Variants in DYRK1B observed in about 807,000 individuals in gnomAD.
DYRK1B encodes the protein dual specificity tyrosine-phosphorylation-regulated kinase 1B.
Under a neutral mutation model 57.1 loss-of-function variants are expected in DYRK1B, and 20 were observed. The ratio of observed to expected loss-of-function variants is 0.35; its 90% CI spans 0.25 to 0.51. DYRK1B has a LOEUF of 0.51. DYRK1B is among the 20% of genes least tolerant of loss of function. DYRK1B has a pLI of 0.96. For missense variants in DYRK1B, 732 were observed against 886.3 expected, an observed-to-expected ratio of 0.83 and a Z score of 2.21; for synonymous variants, 409 against 384.7, an observed-to-expected ratio of 1.06 and a Z score of -0.74.
At chr19:39,831,376 T>C (rs1223235507) in intron 2 of DYRK1B, among the ~76,000 whole-genome samples, 1 of 152,020 alleles carries the variant, frequency 6.6e-6, no homozygotes, top group African/African-American at 2.4e-5. Flanking sequence ...CCCTTTAGAC[T>C]CAACCCCCCT....
At chr19:39,829,167 GTTTT>G (rs34974924) in intron 5 of DYRK1B, among the ~76,000 whole-genome samples, 92 of 149,138 alleles carry the variant, frequency 6.2e-4, no homozygotes, top group African/African-American at 2.3e-3. Context: ...TCCTTTCTTC[GTTTT>G]TTTTTGTTGT....
Position 39,826,326 on chromosome 19 carries a change from G to T in DYRK1B, c.1412-40C>A. ...GAGGAGAGGTGAAGGGGCATAAGGTGAGAGAAGGTGGCGAGTGGGTTTTGG... is the reference window on the plus strand; with the variant it reads ...GAGGAGAGGTGAAGGGGCATAAGGTTAGAGAAGGTGGCGAGTGGGTTTTGG... On this transcript the variant is annotated intron_variant, in intron 9 of 10. Coordinates refer to ENST00000323039, the MANE Select transcript of DYRK1B (RefSeq NM_004714.3). This position sits in a 1 kb window ranked among gnomAD's most constrained non-coding sequence, Gnocchi z 6.3. 6.7e-7 allele frequency: 1 copy of T among 1,485,072 alleles called. No homozygotes were observed. The highest frequency in any genetic ancestry group is 1.3e-5 in the South Asian group (1 of 74,726). The allele number at this position is 1,485,072 out of a possible 1,614,324, so 92.0% of individuals were successfully genotyped here.
rs1968817849 is a variant in DYRK1B at position 39,831,696 on chromosome 19, G to A, written c.63+109C>T. 6.6e-6 allele frequency: 9 copies of A among 1,355,550 alleles called. No individual in the cohort carries two copies. The African/African-American group carries it at 7.3e-5, about 11-fold the overall frequency. 84.0% of individuals were successfully genotyped at this position (1,355,550 alleles called of 1,614,324 possible). On this transcript the variant is annotated intron_variant, in intron 2 of 10. Coordinates refer to ENST00000323039, the MANE Select transcript of DYRK1B (RefSeq NM_004714.3). Reference sequence around the variant, plus strand: ...TTTCCAATCCCATGGGACCCATTATGTGCCCAGAAGAATGTCTTGGGCAAC... The same window carrying A: ...TTTCCAATCCCATGGGACCCATTATATGCCCAGAAGAATGTCTTGGGCAAC...
chr19:39,833,581 C>G (rs960414595), intron 1 of DYRK1B: 1 of 154,776 alleles, frequency 6.5e-6, no homozygotes, highest in African/African-American at 2.4e-5. Flanking sequence ...CCCCTAGGGA[C>G]CCGGCGTCCC....
intron 7 of DYRK1B, 35 bp from the exon 8 acceptor site, chr19:39,827,460 G>C (rs1036878712): frequency 6.2e-7 from 1 of 1,609,492 alleles, no homozygotes; most frequent in Non-Finnish European, 8.5e-7. Context: ...CATCAGGCCA[G>C]CCAGGCTCCA....
In DYRK1B at chr19:39,828,405, G is replaced by A; in HGVS notation, c.699C>T (p.Leu233=). 1 of 1,614,080 alleles carries A rather than the reference G, an allele frequency of 6.2e-7. No homozygotes were observed. Residue 233 remains leucine (L), a synonymous_variant, in exon 6 of 11, where the codon CTC becomes CTT. Transcript: ENST00000323039. The surrounding 1 kb of genome is among the most constrained non-coding windows in gnomAD (Gnocchi z 4.3). The stretch of plus-strand genomic sequence containing the variant: ...GCTTGAGGTCGCAGTGAATGATGCT[G>A]AGCTCAGGCGTGGCCAGAAAGAGCA... ...TALLFLATPE[L]SIIHCDLKPE...
chr19:39,827,358 G>A lies in DYRK1B; in HGVS notation c.1022C>T (p.Pro341Leu). Reference sequence around the variant, plus strand: ...CCGTTCAAAGTACTTGCGAGCCTTGGGCGCCTGGTCCAGCATGGCGGCCGG... The same window carrying A: ...CCGTTCAAAGTACTTGCGAGCCTTGAGCGCCTGGTCCAGCATGGCGGCCGG... ...IPPAAMLDQA[P>L]KARKYFERLP... is the part of the protein sequence containing the mutation. Residue 341 changes from proline to leucine, a missense_variant, in exon 8 of 11, where the codon CCC becomes CTC. Physicochemically the swap from Pro to Leu is moderately conservative, Grantham distance 98 (BLOSUM62 -3). Transcript: ENST00000323039. The A allele has an allele frequency of 6.2e-7, 1 of 1,613,824 alleles. No homozygotes were observed. Among genetic ancestry groups the A allele is most frequent in the African/African-American group, 1.3e-5 (1 of 75,004 alleles).
chr19:39,829,882 A>G lies in DYRK1B; in HGVS notation c.518T>C (p.Ile173Thr). 3.7e-6 allele frequency: 6 copies of G among 1,613,302 alleles called. No homozygotes were observed. The highest frequency in any genetic ancestry group is 5.1e-6 in the Non-Finnish European group (6 of 1,179,978). The change falls in exon 5 of 11, where the codon ATA becomes ACA. Residue 173 changes from isoleucine to threonine, a missense_variant and splice_region_variant. Transcript: ENST00000323039. Reference sequence around the variant, plus strand: ...GCCCTGCCAGTCCCAGGCCTCACCTATATAGTACTTCATCTCCGTGTCATG... The same window carrying G: ...GCCCTGCCAGTCCCAGGCCTCACCTGTATAGTACTTCATCTCCGTGTCATG... ...NQHDTEMKYY[I>T]VHLKRHFMFR...
chr19:39,826,433 G>A lies in DYRK1B; in HGVS notation c.1412-147C>T, dbSNP rs893994278. ...CATCTGAAGCACCGGGCCCAATTCTGAGATTCTGGGTTGGAATTCAGTTTT... is the reference window on the plus strand; with the variant it reads ...CATCTGAAGCACCGGGCCCAATTCTAAGATTCTGGGTTGGAATTCAGTTTT... On this transcript the variant is annotated intron_variant, in intron 9 of 10. Coordinates refer to ENST00000323039, the MANE Select transcript of DYRK1B (RefSeq NM_004714.3). This position sits in a 1 kb window ranked among gnomAD's most constrained non-coding sequence, Gnocchi z 6.3. The A allele has an allele frequency of 2.9e-5, 25 of 854,134 alleles. No individual in the cohort carries two copies. Among genetic ancestry groups the A allele is most frequent in the Non-Finnish European group, 4.0e-5 (23 of 581,688 alleles). 52.9% of individuals were successfully genotyped at this position (854,134 alleles called of 1,614,324 possible). A position where few individuals can be genotyped will look rare whatever the true frequency, so the allele number is the denominator to read the frequency against.
intron 4 of DYRK1B, 95 bp from the exon 5 acceptor site, chr19:39,830,122 C>T: frequency 6.7e-7 from 1 of 1,490,842 alleles, no homozygotes; most frequent in East Asian, 2.3e-5. Flanking sequence ...CCACCAAGAA[C>T]ACTATGCATA....
In DYRK1B at chr19:39,826,592, C is replaced by T; in HGVS notation, c.1411+80G>A. On this transcript the variant is annotated intron_variant, in intron 9 of 10. Transcript: ENST00000323039. The surrounding 1 kb of genome is among the most constrained non-coding windows in gnomAD (Gnocchi z 6.3). ...AGTTTCGGCGCTTTGTGTGAAGACCCAGTAACCAGGTCCCCCAGGACAGGC... is the reference window on the plus strand; with the variant it reads ...AGTTTCGGCGCTTTGTGTGAAGACCTAGTAACCAGGTCCCCCAGGACAGGC... 7.1e-7 allele frequency: 1 copy of T among 1,408,506 alleles called. No individual in the cohort carries two copies. The allele number at this position is 1,408,506 out of a possible 1,614,324, so 87.3% of individuals were successfully genotyped here.
Position 39,828,378 on chromosome 19 carries a change from G to A in DYRK1B, c.726C>T (p.Pro242=), listed in dbSNP as rs776640518. Reference sequence around the variant, plus strand: ...TGGGGTTGCACAGCAAGATGTTTTCGGGCTTGAGGTCGCAGTGAATGATGC... The same window carrying A: ...TGGGGTTGCACAGCAAGATGTTTTCAGGCTTGAGGTCGCAGTGAATGATGC... ...ELSIIHCDLK[P]ENILLCNPKR... Residue 242 remains proline (P), a synonymous_variant, in exon 6 of 11, where the codon CCC becomes CCT. Coordinates refer to ENST00000323039, the MANE Select transcript of DYRK1B (RefSeq NM_004714.3). This position sits in a 1 kb window ranked among gnomAD's most constrained non-coding sequence, Gnocchi z 4.3. 1.5e-5 allele frequency: 24 copies of A among 1,614,116 alleles called. No individual in the cohort carries two copies. Among genetic ancestry groups the A allele is most frequent in the Admixed American group, 6.7e-5 (4 of 60,028 alleles).
At chr19:39,833,296 G>C (rs562613408) in intron 1 of DYRK1B, 1 of 985,464 alleles carries the variant, frequency 1.0e-6, no homozygotes, top group South Asian at 4.7e-5. Context: ...GGGCCCACGG[G>C]GGGCTGGGGC....
Position 39,830,448 on chromosome 19 carries a change from A to G in DYRK1B, c.299T>C (p.Ile100Thr), listed in dbSNP as rs754222688. 2.5e-6 allele frequency: 4 copies of G among 1,614,064 alleles called. No homozygotes were observed. In the Admixed American group the frequency reaches 6.7e-5, roughly 27 times the overall value. The change falls in exon 4 of 11, where the codon ATC (isoleucine) becomes ACC (threonine). Residue 100 changes from isoleucine to threonine, a missense_variant. Physicochemically the swap from Ile to Thr is moderately conservative, Grantham distance 89 (BLOSUM62 -1). Transcript: ENST00000323039. ...HGYDDDNHDY[I>T]VRSGERWLER... ...CAGCCAGCGCTCGCCACTGCGCACG[A>G]TGTAGTCATGGTTGTCGTCATCATA...
rs1968604062 is a variant in DYRK1B, at chr19:39,827,660, G to A, written c.808-4C>T. 1.2e-6 allele frequency: 2 copies of A among 1,612,550 alleles called. No homozygotes were observed. Among genetic ancestry groups the A allele is most frequent in the East Asian group, 2.2e-5 (1 of 44,848 alleles). On this transcript the variant is annotated splice_region_variant and splice_polypyrimidine_tract_variant and intron_variant, in intron 6 of 10. Coordinates refer to ENST00000323039, the MANE Select transcript of DYRK1B (RefSeq NM_004714.3). ...GGCTCTGGATATACTGGTAGATCTG[G>A]GAAAAGGGTAATCGTCAAGGGACCC...
intron 8 of DYRK1B, 140 bp from the exon 9 acceptor site, chr19:39,827,127 G>A (rs1219118762): frequency 8.1e-6 from 9 of 1,115,026 alleles, no homozygotes; most frequent in South Asian, 1.6e-5. Flanking sequence ...GTGGGAAGGA[G>A]AGATGGGAGA....
chr19:39,829,254 G>A (rs1213108713), intron 5 of DYRK1B, among the ~76,000 whole-genome samples: 1 of 149,494 alleles, frequency 6.7e-6, no homozygotes, highest in Non-Finnish European at 1.5e-5. Context: ...TTGAGATGGA[G>A]TCTCGCTCTG....
At chr19:39,830,930 C>A (rs1568534338) in intron 2 of DYRK1B, 147 bp from the exon 3 acceptor site, 15 of 946,030 alleles carry the variant, frequency 1.6e-5, no homozygotes, top group Non-Finnish European at 2.0e-5. Context: ...TCCCCCAGGG[C>A]TGAGACTTTC....
Position 39,828,718 on chromosome 19 carries a change from TC to T in DYRK1B, c.521-136del. Reference sequence around the variant, plus strand: ...CACGGGTACCATCTGCTAGTCAAAATCTTTTTATCTAACAACTAGATTCACA... The same window carrying T: ...CACGGGTACCATCTGCTAGTCAAAATTTTTTATCTAACAACTAGATTCACA... On this transcript the variant is annotated intron_variant, in intron 5 of 10. Transcript: ENST00000323039. The surrounding 1 kb of genome is among the most constrained non-coding windows in gnomAD (Gnocchi z 4.3). The T allele has an allele frequency of 1.1e-6, 1 of 876,642 alleles. No homozygotes were observed. Among genetic ancestry groups the T allele is most frequent in the Non-Finnish European group, 1.7e-6 (1 of 576,752 alleles). 54.3% of individuals were successfully genotyped at this position (876,642 alleles called of 1,614,324 possible).
Sources: gnomAD v4.1 joint callset for allele counts (sites outside exome capture counted in the v4.1 genomes callset) on GRCh38, gnomAD v4.1.1 for gene constraint, Gnocchi (gnomAD v3.1) non-coding constraint, MANE v1.5 for transcripts, NCBI Gene and HGNC (gene_info 2026-07-23, HGNC 2026-07-21) for gene names.